ATP8A2: variants seen among roughly 807,000 people sequenced by gnomAD.
ATP8A2 encodes the protein phospholipid-transporting ATPase IB.
ATP8A2 carries 100 observed loss-of-function variants against 165.6 expected under a neutral mutation model. The observed-to-expected ratio is 0.60, with a 90% confidence interval of 0.51 to 0.71. The LOEUF is 0.71. ATP8A2 is among the 30% of genes least tolerant of loss of function. The pLI, the probability that ATP8A2 is intolerant of heterozygous loss-of-function variation, is 0.00. For missense variants in ATP8A2, 1,227 were observed against 1,479.5 expected (o/e 0.83, Z 2.80); for synonymous variants, 543 against 548.8 (o/e 0.99, Z 0.15).
At chr13:25,572,794 A>G (rs183927676) in intron 18 of ATP8A2, among the ~76,000 whole-genome samples, 1 of 152,232 alleles carries the variant, frequency 6.6e-6, no homozygotes, top group East Asian at 1.9e-4. Flanking sequence ...TTATGGATGC[A>G]TCCTTAAATC....
At chr13:25,912,980 C>T (rs1392095086) in intron 33 of ATP8A2, among the ~76,000 whole-genome samples, 1 of 152,172 alleles carries the variant, frequency 6.6e-6, no homozygotes, top group African/African-American at 2.4e-5. Context: ...AACTTGTCAC[C>T]TGTGTGACTT....
At chr13:25,618,403 A>T (rs1322355262) in intron 24 of ATP8A2, among the ~76,000 whole-genome samples, 1 of 152,072 alleles carries the variant, frequency 6.6e-6, no homozygotes, top group East Asian at 1.9e-4. Context: ...CTGCCCCGAG[A>T]CTGCCTCATT....
intron 9 of ATP8A2, among the ~76,000 whole-genome samples, chr13:25,543,054 A>G (rs1387824701): frequency 2.6e-5 from 4 of 152,214 alleles, no homozygotes; most frequent in Non-Finnish European, 5.9e-5. Flanking sequence ...ATTACCTGCA[A>G]CATTTTATAG....
chr13:25,640,860 A>C (rs2041501254), intron 24 of ATP8A2, among the ~76,000 whole-genome samples: 1 of 152,234 alleles, frequency 6.6e-6, no homozygotes, highest in Non-Finnish European at 1.5e-5. Flanking sequence ...CCTCAATAAA[A>C]TACTGGCAAA....
intron 33 of ATP8A2, among the ~76,000 whole-genome samples, chr13:25,940,191 G>A (rs1453656084): frequency 6.6e-6 from 1 of 152,000 alleles, no homozygotes; most frequent in Non-Finnish European, 1.5e-5. Flanking sequence ...TGCCGAACTT[G>A]ACTCCGCCTT....
At chr13:25,972,185 G>T (rs943925422) in intron 35 of ATP8A2, among the ~76,000 whole-genome samples, 1 of 152,154 alleles carries the variant, frequency 6.6e-6, no homozygotes, top group Non-Finnish European at 1.5e-5. Flanking sequence ...GTTTCTCTCT[G>T]TGCCTTTTAT....
chr13:25,450,185 T>G (rs887794659), intron 1 of ATP8A2, among the ~76,000 whole-genome samples: 1 of 152,258 alleles, frequency 6.6e-6, no homozygotes, highest in African/African-American at 2.4e-5. Context: ...TAGTATTTCA[T>G]GGTATATATG....
intron 25 of ATP8A2, among the ~76,000 whole-genome samples, chr13:25,707,227 A>T (rs79748205): frequency 0.063 from 9,623 of 152,262 alleles, 953 homozygotes; most frequent in African/African-American, 0.21. Context: ...AGCTTAGGAA[A>T]AAAAACAAGC....
rs150758523 is a variant in ATP8A2 at position 25,954,460 on chromosome 13, G to A, written c.3184-7115G>A. Among the ~76,000 whole-genome samples, 76 of 152,268 alleles carry A rather than the reference G, an allele frequency of 5.0e-4. No homozygotes were observed. The East Asian group carries it at 0.012, about 23-fold the overall frequency. On this transcript the variant is annotated intron_variant, in intron 33 of 36. Transcript: ENST00000381655. ...GCAGACTTAAACGTTCTTGCCTGCC[G>A]GCTCTGAACAGAGCAGCGGACCTCC... is the stretch of plus-strand genomic sequence containing the variant.
At chr13:25,383,139 G>A (rs1211691101) in intron 1 of ATP8A2, among the ~76,000 whole-genome samples, 5 of 151,368 alleles carry the variant, frequency 3.3e-5, no homozygotes, top group Admixed American at 1.3e-4. Context: ...TCCTCCTCCC[G>A]GGTTCAAGAG....
chr13:25,423,325 C>A (rs1050020010), intron 1 of ATP8A2, among the ~76,000 whole-genome samples: 20 of 152,168 alleles, frequency 1.3e-4, no homozygotes, highest in African/African-American at 4.6e-4. Flanking sequence ...TATCTTAAAG[C>A]AGTATAATAT....
chr13:25,940,760 G>C (rs1044816143), intron 33 of ATP8A2, among the ~76,000 whole-genome samples: 1 of 152,216 alleles, frequency 6.6e-6, no homozygotes, highest in Admixed American at 6.5e-5. Context: ...TCCCCACAGA[G>C]GACTAGCCTG....
chr13:25,820,794 C>G (rs1951160827), intron 27 of ATP8A2, among the ~76,000 whole-genome samples: 1 of 152,160 alleles, frequency 6.6e-6, no homozygotes, highest in African/African-American at 2.4e-5. Flanking sequence ...TTTAAAAATA[C>G]ACTGCCTTCT....
chr13:25,589,004 G>A (rs1009675675), intron 23 of ATP8A2, among the ~76,000 whole-genome samples: 2 of 152,130 alleles, frequency 1.3e-5, no homozygotes, highest in Non-Finnish European at 2.9e-5. Flanking sequence ...TGCTGGGAGG[G>A]AAAGAGAAAA....
intron 2 of ATP8A2, among the ~76,000 whole-genome samples, chr13:25,517,870 T>C (rs2037531338): frequency 6.6e-6 from 1 of 152,376 alleles, no homozygotes; most frequent in East Asian, 1.9e-4. Flanking sequence ...TGAAAATTTC[T>C]TGTAAGGTGC....
chr13:25,942,402 T>A (rs1343802105), intron 33 of ATP8A2, among the ~76,000 whole-genome samples: 1 of 152,210 alleles, frequency 6.6e-6, no homozygotes, highest in Non-Finnish European at 1.5e-5. Context: ...AGTTTTCCAT[T>A]GTTAATGTAG....
chr13:25,468,780 G>A, intron 1 of ATP8A2, 197 bp from the exon 2 acceptor site: 4 of 962,294 alleles, frequency 4.2e-6, no homozygotes, highest in Non-Finnish European at 4.9e-6. Flanking sequence ...GGGCGGGGCC[G>A]GGGGCGGGGC....
At chr13:25,495,684 C>T (rs985464004) in intron 2 of ATP8A2, among the ~76,000 whole-genome samples, 1 of 135,732 alleles carries the variant, frequency 7.4e-6, no homozygotes, top group African/African-American at 2.8e-5. Flanking sequence ...TCAGTCTGGT[C>T]TCGAACTCCT....
At chr13:25,542,696 G>A (rs1198409599) in intron 9 of ATP8A2, among the ~76,000 whole-genome samples, 3 of 151,992 alleles carry the variant, frequency 2.0e-5, no homozygotes, top group African/African-American at 7.3e-5. Context: ...CCTGATCATA[G>A]GAATCAACCC....
Sources: allele counts gnomAD v4.1 joint callset (sites outside exome capture counted in the v4.1 genomes callset), GRCh38; gene constraint gnomAD v4.1.1; transcripts MANE v1.5; gene names NCBI Gene and HGNC (gene_info 2026-07-23, HGNC 2026-07-21).